SVEP1: variants seen among roughly 807,000 people sequenced by gnomAD.
SVEP1 encodes the protein sushi, von Willebrand factor type A, EGF and pentraxin domain containing 1.
Under a neutral mutation model 367.3 loss-of-function variants are expected in SVEP1, and 164 were observed. The ratio of observed to expected loss-of-function variants is 0.45; its 90% confidence interval spans 0.39 to 0.51. The LOEUF is 0.51. Among genes scored for constraint, SVEP1 ranks in the 20% least tolerant of loss-of-function variants. SVEP1 has a pLI of 0.00. For synonymous variants in SVEP1, 1,666 were observed against 1,611.6 expected (o/e 1.03, Z -0.81); for missense variants, 4,117 against 4,425.3 (o/e 0.93, Z 1.98).
intron 24 of SVEP1, 134 bp from the exon 25 acceptor site, chr9:110,447,191 G>A: frequency 1.2e-6 from 1 of 801,968 alleles, no homozygotes; most frequent in Non-Finnish European, 1.8e-6. Context: ...TGCTTTAATT[G>A]CAGGTTACTT....
intron 46 of SVEP1, 77 bp downstream of exon 46, chr9:110,375,288 GTCT>G (rs1554709543): frequency 0.026 from 18,616 of 709,110 alleles, 179 homozygotes; most frequent in Non-Finnish European, 0.031. Context: ...CCACTTCTGA[GTCT>G]AAGTCACACT....
chr9:110,518,953 A>G (rs10980423), intron 3 of SVEP1, among the ~76,000 whole-genome samples: 24,869 of 152,152 alleles, frequency 0.16, 2,232 homozygotes, highest in African/African-American at 0.23. Flanking sequence ...GAATATAAAG[A>G]TATCTTTGAT....
chr9:110,394,207 G>T (rs957111824), intron 40 of SVEP1, among the ~76,000 whole-genome samples: 1 of 151,830 alleles, frequency 6.6e-6, no homozygotes, highest in Non-Finnish European at 1.5e-5. Context: ...ACCAATATCC[G>T]CTGTTCTGCA....
At chr9:110,563,991 G>T (rs187438116) in intron 1 of SVEP1, among the ~76,000 whole-genome samples, 2 of 152,130 alleles carry the variant, frequency 1.3e-5, no homozygotes, top group African/African-American at 4.8e-5. Flanking sequence ...TCAATCTCTG[G>T]ATTGCCACCT....
Position 110,471,548 on chromosome 9 carries a change from A to C in SVEP1, c.2814T>G (p.Asn938Lys). ...CCAATGTCTGAAGGAGTCGTTGCTG[A>C]TTTTCCCATTCAAGGGTATCATTTC... is the stretch of plus-strand genomic sequence containing the variant. ...DERNDTLEWE[N>K]QQRLLQTLET... The change falls in exon 16 of 48, where the codon AAT becomes AAG. Residue 938 changes from asparagine (N) to lysine (K), a missense_variant. By Grantham distance (94) the Asn-to-Lys change is moderately conservative (BLOSUM62 0). Transcript: ENST00000374469. 1 of 1,613,884 alleles carries C rather than the reference A, an allele frequency of 6.2e-7. No individual in the cohort carries two copies. The highest frequency in any genetic ancestry group is 1.1e-5 in the South Asian group (1 of 91,064).
At chr9:110,557,255 G>A (rs867440273) in intron 1 of SVEP1, among the ~76,000 whole-genome samples, 5 of 152,110 alleles carry the variant, frequency 3.3e-5, no homozygotes, top group Non-Finnish European at 5.9e-5. Flanking sequence ...TTGGGTATAT[G>A]CAGTGTCATT....
At chr9:110,479,898 G>T (rs1273241907) in intron 12 of SVEP1, 142 bp from the exon 13 acceptor site, 5 of 1,206,636 alleles carry the variant, frequency 4.1e-6, no homozygotes, top group Non-Finnish European at 5.8e-6. Flanking sequence ...GACAGTTAAG[G>T]AGAGTTTCTA....
chr9:110,370,878 AAGGCAG>A (rs1203798027), intron 46 of SVEP1, among the ~76,000 whole-genome samples: 1 of 152,232 alleles, frequency 6.6e-6, no homozygotes, highest in African/African-American at 2.4e-5. Context: ...GTAGCACAGA[AAGGCAG>A]GCTCTTTCCT....
chr9:110,455,978 GC>G (rs1339550559), intron 21 of SVEP1, among the ~76,000 whole-genome samples: 1 of 152,148 alleles, frequency 6.6e-6, no homozygotes, highest in African/African-American at 2.4e-5. Flanking sequence ...ATAAAATGGA[GC>G]CAGGAATTAT....
intron 40 of SVEP1, among the ~76,000 whole-genome samples, chr9:110,397,745 G>C (rs538072071): frequency 6.6e-6 from 1 of 152,146 alleles, no homozygotes; most frequent in Admixed American, 6.6e-5. Flanking sequence ...ATTCACAATT[G>C]CTTCAAAGGG....
chr9:110,578,587 G>T (rs1830653205), intron 1 of SVEP1, among the ~76,000 whole-genome samples: 1 of 152,146 alleles, frequency 6.6e-6, no homozygotes, highest in Non-Finnish European at 1.5e-5. Flanking sequence ...AATAGGAAGG[G>T]CACGAATCTT....
chr9:110,447,032 C>A lies in SVEP1; in HGVS notation c.4129G>T (p.Gly1377Ter). 1 of 1,528,774 alleles carries A rather than the reference C, an allele frequency of 6.5e-7. No individual in the cohort carries two copies. The highest frequency in any genetic ancestry group is 2.5e-5 in the East Asian group (1 of 39,952). 94.7% of individuals were successfully genotyped at this position (1,528,774 alleles called of 1,614,324 possible). A position where few individuals can be genotyped will look rare whatever the true frequency, so the allele number is the denominator to read the frequency against. ...FRCLCAAGFT[G>*]SHCELNINEC... The stretch of plus-strand genomic sequence containing the variant: ...TTGATGTTCAATTCACAGTGTGATC[C>A]TGTGAAGCCAGCTGCACACAGGCAT... Residue 1377 changes from glycine to a stop codon, truncating the protein, a stop_gained, in exon 25 of 48, where the codon GGA becomes TGA. Coordinates refer to ENST00000374469, the MANE Select transcript of SVEP1 (RefSeq NM_153366.4). LOFTEE classifies it high-confidence loss of function.
At chr9:110,413,488 A>T (rs990567664) in intron 36 of SVEP1, among the ~76,000 whole-genome samples, 12 of 151,566 alleles carry the variant, frequency 7.9e-5, no homozygotes, top group African/African-American at 2.9e-4. Flanking sequence ...ACATGTATAC[A>T]TATGTAACTA....
intron 30 of SVEP1, 141 bp from the exon 31 acceptor site, chr9:110,432,776 G>T: frequency 1.1e-6 from 1 of 932,668 alleles, no homozygotes; most frequent in African/African-American, 1.7e-5. Context: ...CCTAGGGATA[G>T]CAGCAGCCTG....
intron 1 of SVEP1, among the ~76,000 whole-genome samples, chr9:110,569,896 G>A (rs953211154): frequency 1.3e-5 from 2 of 152,168 alleles, no homozygotes; most frequent in African/African-American, 2.4e-5. Flanking sequence ...TTTCTTGAAT[G>A]ACTCTATGAG....
chr9:110,544,434 A>T (rs1830192184), intron 3 of SVEP1, among the ~76,000 whole-genome samples: 1 of 152,238 alleles, frequency 6.6e-6, no homozygotes, highest in South Asian at 2.1e-4. Flanking sequence ...AACAAATCCA[A>T]CAAATGCTAT....
chr9:110,433,562 T>A (rs988981923), intron 30 of SVEP1, among the ~76,000 whole-genome samples: 8 of 149,680 alleles, frequency 5.3e-5, no homozygotes, highest in Non-Finnish European at 7.4e-5. Flanking sequence ...TCTGCCTGCC[T>A]CCTGGGCTCA....
intron 1 of SVEP1, 126 bp downstream of exon 1, chr9:110,578,886 TG>T (rs1320975750): frequency 3.3e-5 from 35 of 1,047,812 alleles, no homozygotes; most frequent in Non-Finnish European, 4.0e-5. Context: ...GTTTTGTGGA[TG>T]GGGACGCTTG....
At chr9:110,375,508 A>T (rs761351034) in intron 45 of SVEP1, 45 bp from the exon 46 acceptor site, 2 of 1,447,508 alleles carry the variant, frequency 1.4e-6, no homozygotes, top group Non-Finnish European at 1.9e-6. Context: ...GGGGGGATTG[A>T]AATGGCGTTG....
Sources: allele counts gnomAD v4.1 joint callset (sites outside exome capture counted in the v4.1 genomes callset), GRCh38; gene constraint gnomAD v4.1.1; transcripts MANE v1.5; gene names NCBI Gene and HGNC (gene_info 2026-07-23, HGNC 2026-07-21).